CUL7: variants seen among roughly 807,000 people sequenced by gnomAD.
The protein encoded by CUL7 is cullin 7, also known as cullin-7.
In CUL7, 96 loss-of-function variants were observed where a neutral mutation model predicts 177.7. That is an observed-to-expected ratio of 0.54 (90% CI 0.46 to 0.64). The LOEUF (loss-of-function observed/expected upper bound fraction) is 0.64. Ranked by LOEUF, CUL7 falls within the 30% of genes least tolerant of loss-of-function variation. CUL7 has a pLI of 0.00. For synonymous variants in CUL7, 824 were observed against 890.2 expected, an observed-to-expected ratio of 0.93 and a Z score of 1.32; for missense variants, 1,893 against 2,187.9, an observed-to-expected ratio of 0.87 and a Z score of 2.69.
chr6:43,039,735 CTTTT>C (rs763879172), intron 22 of CUL7, among the ~76,000 whole-genome samples: 13,631 of 93,152 alleles, frequency 0.15, 464 homozygotes, highest in African/African-American at 0.3. Flanking sequence ...AAGACCAACT[CTTTT>C]TTTTTTTTTT....
At position 43,048,539 on chromosome 6, in the gene CUL7, G is replaced by C; in HGVS notation, c.1856C>G (p.Thr619Ser). ...ACCCTCCACCAGACGCTGCAGGGGA[G>C]TGTTGGGACTCTGAGATGGGGGTTC... ...AKEPPSQSPN[T>S]PLQRLVEGYG... The change falls in exon 8 of 26, where the codon ACT becomes AGT. Residue 619 changes from threonine (T) to serine (S), a missense_variant. Coordinates refer to ENST00000265348, the MANE Select transcript of CUL7 (RefSeq NM_014780.5). The C allele has an allele frequency of 1.4e-5, 22 of 1,614,160 alleles. No homozygotes were observed. Among genetic ancestry groups the C allele is most frequent in the Non-Finnish European group, 1.9e-5 (22 of 1,179,994 alleles).
At chr6:43,046,662 G>A (rs557575754) in intron 10 of CUL7, 61 bp from the exon 11 acceptor site, 37 of 1,603,526 alleles carry the variant, frequency 2.3e-5, no homozygotes, top group East Asian at 4.5e-5. Flanking sequence ...AGACACACAC[G>A]GAAACACGGA....
At chr6:43,047,699 C>T (rs904294006) in intron 9 of CUL7, among the ~76,000 whole-genome samples, 2 of 152,176 alleles carry the variant, frequency 1.3e-5, no homozygotes, top group Non-Finnish European at 2.9e-5. Context: ...CTCCTTCATC[C>T]CCCTTTCTCC....
chr6:43,041,136 G>C lies in CUL7; in HGVS notation c.3646-61C>G, dbSNP rs1763385014. On this transcript the variant is annotated intron_variant, in intron 19 of 25. Coordinates refer to ENST00000265348, the MANE Select transcript of CUL7 (RefSeq NM_014780.5). ...AGCGAGCAGAGCAGGTGAGTGGGGA[G>C]GAGGGATGAGGGTCTGGAAAGTAGA... is the stretch of plus-strand genomic sequence containing the variant. The C allele has an allele frequency of 2.6e-6, 4 of 1,558,676 alleles. No individual in the cohort carries two copies. The Admixed American group carries it at 6.8e-5, about 27-fold the overall frequency.
At chr6:43,048,652 T>C (rs1242056732) in intron 7 of CUL7, 83 bp from the exon 8 acceptor site, 2 of 945,438 alleles carry the variant, frequency 2.1e-6, no homozygotes, top group Non-Finnish European at 3.3e-6. Flanking sequence ...CTCAATCTTT[T>C]TCTCTAATTT....
In CUL7 at chr6:43,043,472, G is replaced by A; in HGVS notation, c.3331C>T (p.Pro1111Ser). 6.2e-7 allele frequency: 1 copy of A among 1,614,032 alleles called. No individual in the cohort carries two copies. Among genetic ancestry groups the A allele is most frequent in the East Asian group, 2.2e-5 (1 of 44,888 alleles). Residue 1111 changes from proline (P) to serine (S), a missense_variant, in exon 17 of 26, where the codon CCT becomes TCT. Pro to Ser is a moderately conservative substitution (Grantham distance 74). Around this residue, in one of 5 missense-constraint regions of CUL7, gnomAD observed 973 missense variants for 1,140.9 expected, o/e 0.85. Coordinates refer to ENST00000265348, the MANE Select transcript of CUL7 (RefSeq NM_014780.5). This position sits in a 1 kb window ranked among gnomAD's most constrained non-coding sequence, Gnocchi z 4.2. ...VHVEPCEAPP[P>S]VVATPRPKGR... ...CTGGGCCGAGGAGTGGCCACCACAGGAGGGGGTGCCTCACAGGGCTCGACA... is the reference window on the plus strand; with the variant it reads ...CTGGGCCGAGGAGTGGCCACCACAGAAGGGGGTGCCTCACAGGGCTCGACA...
At chr6:43,049,116 G>A (rs1051485615) in intron 7 of CUL7, among the ~76,000 whole-genome samples, 1 of 152,152 alleles carries the variant, frequency 6.6e-6, no homozygotes, top group Non-Finnish European at 1.5e-5. Context: ...GAAAACAGGA[G>A]AGCACTTCCC....
At chr6:43,046,806 A>G (rs1763954650) in intron 10 of CUL7, 74 bp downstream of exon 10, 1 of 1,216,852 alleles carries the variant, frequency 8.2e-7, no homozygotes, top group South Asian at 1.2e-5. Flanking sequence ...ATGGGAACAC[A>G]GCCCTTACCC....
At chr6:43,049,376 T>C (rs1481055120) in intron 7 of CUL7, 31 bp downstream of exon 7, 2 of 1,613,938 alleles carry the variant, frequency 1.2e-6, no homozygotes, top group Non-Finnish European at 1.7e-6. Flanking sequence ...CCTGAAGGTG[T>C]GTCAGCTCAG....
chr6:43,050,549 T>TAC lies in CUL7; in HGVS notation c.1234-153_1234-152dup, dbSNP rs58059598. On this transcript the variant is annotated intron_variant, in intron 4 of 25. Coordinates refer to ENST00000265348, the MANE Select transcript of CUL7 (RefSeq NM_014780.5). The surrounding 1 kb of genome is among the most constrained non-coding windows in gnomAD (Gnocchi z 4.1). Reference sequence around the variant, plus strand: ...TAACAAAACAGCAGCATATGGAGAATACACACACACACACACACACACACA... The same window carrying TAC: ...TAACAAAACAGCAGCATATGGAGAATACACACACACACACACACACACACACA... 13,644 of 416,958 alleles carry TAC rather than the reference T, an allele frequency of 0.033. 1,509 individuals carry two copies. The highest frequency in any genetic ancestry group is 0.036 in the South Asian group (1,783 of 49,382). 25.8% of individuals were successfully genotyped at this position (416,958 alleles called of 1,614,324 possible).
In CUL7 at chr6:43,038,950, C is replaced by T. The variant is rs749808640; in HGVS notation, c.4332G>A (p.Arg1444=). ...AGCCCAGCCACGTCCACTGCAGTCG[C>T]CTCTGTGAGCCTCGCTCAAGGGCAG... ...SHPALERGSQ[R]RLQWTWLGWA... is the part of the protein sequence containing the mutation. The change falls in exon 23 of 26, where the codon AGG becomes AGA. Residue 1444 remains arginine, a synonymous_variant. Coordinates refer to ENST00000265348, the MANE Select transcript of CUL7 (RefSeq NM_014780.5). The T allele has an allele frequency of 2.5e-6, 4 of 1,612,708 alleles. No homozygotes were observed. The African/African-American group carries it at 5.3e-5, about 22-fold the overall frequency.
intron 22 of CUL7, among the ~76,000 whole-genome samples, chr6:43,039,823 T>C (rs543630640): frequency 3.6e-5 from 5 of 140,430 alleles, no homozygotes; most frequent in Admixed American, 2.4e-4. Flanking sequence ...CACTGCAACA[T>C]CTGCCTGTGG....
At chr6:43,049,883 T>G in intron 6 of CUL7, 80 bp downstream of exon 6, 1 of 1,461,958 alleles carries the variant, frequency 6.8e-7, no homozygotes, top group Non-Finnish European at 9.6e-7. Flanking sequence ...CTTTTCATCC[T>G]GAGCCTTCCA....
At position 43,040,057 on chromosome 6, in the gene CUL7, C is replaced by T; in HGVS notation, c.4294+99G>A. On this transcript the variant is annotated intron_variant, in intron 22 of 25. Transcript: ENST00000265348. This position sits in a 1 kb window ranked among gnomAD's most constrained non-coding sequence, Gnocchi z 4.2. ...CCCAGCCAAAGACTATCTCTTTTTA[C>T]ATCAAGCCTCCCAACATCAGGGTCT... The T allele has an allele frequency of 1.4e-6, 2 of 1,420,630 alleles. No individual in the cohort carries two copies. The highest frequency in any genetic ancestry group is 2.0e-6 in the Non-Finnish European group (2 of 1,006,302). The allele number at this position is 1,420,630 out of a possible 1,614,324, so 88.0% of individuals were successfully genotyped here.
At position 43,041,061 on chromosome 6, in the gene CUL7, G is replaced by C. The variant is rs369467048; in HGVS notation, c.3660C>G (p.Phe1220Leu). The change falls in exon 20 of 26, where the codon TTC becomes TTG. Residue 1220 changes from phenylalanine (F) to leucine (L), a missense_variant. Phe to Leu is a conservative substitution (Grantham distance 22). Transcript: ENST00000265348. ...FLKAAHVSEQFARHIDQQIQG... is the reference protein window; with the variant it reads ...FLKAAHVSEQLARHIDQQIQG... ...GGATCTGCTGGTCAATGTGCCGGGC[G>C]AACTGCTCACTCACCTGAGCAATGG... 3.1e-6 allele frequency: 5 copies of C among 1,613,770 alleles called. No homozygotes were observed. The African/African-American group carries it at 6.7e-5, about 22-fold the overall frequency.
intron 25 of CUL7, 115 bp downstream of exon 25, chr6:43,038,152 C>CTA: frequency 6.7e-7 from 1 of 1,491,356 alleles, no homozygotes; most frequent in Non-Finnish European, 9.2e-7. Context: ...CCTCACACTC[C>CTA]TACAGGCTAC....
rs200625651 is a variant in CUL7 at position 43,040,264 on chromosome 6, G to C, written c.4186C>G (p.Arg1396Gly). Residue 1396 changes from arginine (R) to glycine (G), a missense_variant, in exon 22 of 26, where the codon CGA becomes GGA. By Grantham distance (125) the Arg-to-Gly change is moderately radical (BLOSUM62 -2). Around this residue, in one of 5 missense-constraint regions of CUL7, gnomAD observed 973 missense variants for 1,140.9 expected, o/e 0.85. Coordinates refer to ENST00000265348, the MANE Select transcript of CUL7 (RefSeq NM_014780.5). The surrounding 1 kb of genome is among the most constrained non-coding windows in gnomAD (Gnocchi z 4.2). ...ATTGAGGCAACAGGCCAGGAGTGTC[G>C]GGACAGGACAAGCACAGACACTTCT... The part of the protein sequence containing the change: ...MPEVSVLVLS[R>G]HSWPVASICH... The C allele has an allele frequency of 1.2e-5, 20 of 1,614,118 alleles. No homozygotes were observed. The East Asian group carries it at 3.1e-4, about 25-fold the overall frequency.
rs2150317673 is a variant in CUL7, at chr6:43,043,683, G to T, written c.3173-53C>A. ...CACAGCCATGTCTGCAGGGAAGTGG[G>T]AGTGGTTGGGCTGAACAGGAGTGTG... On this transcript the variant is annotated intron_variant, in intron 16 of 25. Coordinates refer to ENST00000265348, the MANE Select transcript of CUL7 (RefSeq NM_014780.5). The surrounding 1 kb of genome is among the most constrained non-coding windows in gnomAD (Gnocchi z 4.2). 10 of 1,241,146 alleles carry T rather than the reference G, an allele frequency of 8.1e-6. No individual in the cohort carries two copies. Among genetic ancestry groups the T allele is most frequent in the Middle Eastern group, 1.9e-4 (1 of 5,392 alleles). The allele number at this position is 1,241,146 out of a possible 1,614,324, so 76.9% of individuals were successfully genotyped here.
In CUL7 at chr6:43,043,328, T is replaced by A. The variant is rs1763613269; in HGVS notation, c.3355+120A>T. On this transcript the variant is annotated intron_variant, in intron 17 of 25. Transcript: ENST00000265348. This position sits in a 1 kb window ranked among gnomAD's most constrained non-coding sequence, Gnocchi z 4.2. ...ATGGAGGTGACACAAACCTGGAAGATGAACAGGCTGAGCCCATAGGGAGGG... is the reference window on the plus strand; with the variant it reads ...ATGGAGGTGACACAAACCTGGAAGAAGAACAGGCTGAGCCCATAGGGAGGG... 2 of 1,230,480 alleles carry A rather than the reference T, an allele frequency of 1.6e-6. No individual in the cohort carries two copies. Among genetic ancestry groups the A allele is most frequent in the Admixed American group, 1.8e-5 (1 of 54,264 alleles). The allele number at this position is 1,230,480 out of a possible 1,614,324, so 76.2% of individuals were successfully genotyped here.
Sources: allele counts gnomAD v4.1 joint callset (sites outside exome capture counted in the v4.1 genomes callset), GRCh38; gene constraint gnomAD v4.1.1; regional missense constraint gnomAD v4.1.1; non-coding constraint Gnocchi (gnomAD v3.1); transcripts MANE v1.5; gene names NCBI Gene and HGNC (gene_info 2026-07-23, HGNC 2026-07-21).